The following NAV2 variants were observed in gnomAD, a reference collection of about 807,000 sequenced individuals.
NAV2 encodes helicase, APC down-regulated 1.
Under a neutral mutation model 223.2 loss-of-function variants are expected in NAV2, and 54 were observed. The ratio of observed to expected loss-of-function variants is 0.24; its 90% confidence interval spans 0.19 to 0.30. The LOEUF (loss-of-function observed/expected upper bound fraction) is 0.30. Among genes scored for constraint, NAV2 ranks in the 10% least tolerant of loss-of-function variants. The pLI is 1.00. For missense variants in NAV2, 2,806 were observed against 3,147.5 expected, an observed-to-expected ratio of 0.89 and a Z score of 2.60; for synonymous variants, 1,279 against 1,239.3, an observed-to-expected ratio of 1.03 and a Z score of -0.67.
In NAV2 at chr11:19,985,550, G is replaced by A. The variant is rs55951650; in HGVS notation, c.2768+1303G>A. Among the ~76,000 whole-genome samples, 47 of 148,124 alleles carry A rather than the reference G, an allele frequency of 3.2e-4. 2 individuals carry two copies. In the South Asian group the frequency reaches 8.6e-3, roughly 27 times the overall value. ...AACATGAACCATTTGAGAAAAAAAA[G>A]TTTTTTTTGTTTTTTTGTTGTTGTT... On this transcript the variant is annotated intron_variant, in intron 11 of 37. Transcript: ENST00000349880.
At chr11:19,596,122 G>A (rs569441492) in intron 1 of NAV2, among the ~76,000 whole-genome samples, 8 of 152,292 alleles carry the variant, frequency 5.3e-5, no homozygotes, top group Admixed American at 3.9e-4. Context: ...GGAAAAGACA[G>A]TGCTCTAAAA....
chr11:19,897,583 T>C (rs1454673165), intron 6 of NAV2, among the ~76,000 whole-genome samples: 1 of 152,104 alleles, frequency 6.6e-6, no homozygotes, highest in Non-Finnish European at 1.5e-5. Context: ...TAATACTTCT[T>C]AGCTAGAAAA....
intron 1 of NAV2, among the ~76,000 whole-genome samples, chr11:19,718,409 C>T (rs1184999725): frequency 6.6e-6 from 1 of 152,040 alleles, no homozygotes; most frequent in Non-Finnish European, 1.5e-5. Flanking sequence ...TCAAGTTGCA[C>T]CTAGTTTTTT....
At chr11:19,906,514 G>A (rs1202035057) in intron 6 of NAV2, among the ~76,000 whole-genome samples, 2 of 152,198 alleles carry the variant, frequency 1.3e-5, no homozygotes, top group African/African-American at 4.8e-5. Context: ...ATTGATTTCA[G>A]TTGTCAAGGT....
Position 19,859,977 on chromosome 11 carries a change from C to T in NAV2, c.439-8948C>T, listed in dbSNP as rs1318235652. On this transcript the variant is annotated intron_variant, in intron 3 of 37. Transcript: ENST00000349880. Reference sequence around the variant, plus strand: ...GGTGCCCCTCACCTCCCGGATGGGGCGGCTGGCCAGGCGGGGGGCTGACCC... The same window carrying T: ...GGTGCCCCTCACCTCCCGGATGGGGTGGCTGGCCAGGCGGGGGGCTGACCC... Among the ~76,000 whole-genome samples, 69 of 126,450 alleles carry T rather than the reference C, an allele frequency of 5.5e-4. No individual in the cohort carries two copies. In the South Asian group the frequency reaches 7.6e-3, roughly 14 times the overall value. The allele number at this position is 126,450 out of a possible 152,430, so 83.0% of individuals were successfully genotyped here. A position where few individuals can be genotyped will look rare whatever the true frequency, so the allele number is the denominator to read the frequency against.
intron 1 of NAV2, among the ~76,000 whole-genome samples, chr11:19,747,077 C>T (rs182603884): frequency 0.18 from 13,427 of 72,916 alleles, 909 homozygotes; most frequent in East Asian, 0.27. Flanking sequence ...CAGTGTGTGA[C>T]ATTCCCCTTC....
At chr11:19,845,259 A>T (rs1425986129) in intron 3 of NAV2, among the ~76,000 whole-genome samples, 1 of 152,250 alleles carries the variant, frequency 6.6e-6, no homozygotes. Flanking sequence ...CTAGATTGCT[A>T]GGTGGTTAAC....
At chr11:20,057,181 T>G (rs1328365264) in intron 19 of NAV2, among the ~76,000 whole-genome samples, 1 of 152,132 alleles carries the variant, frequency 6.6e-6, no homozygotes, top group Non-Finnish European at 1.5e-5. Context: ...CCTCCCAGCA[T>G]GAAAGAACAA....
chr11:19,640,956 C>T lies in NAV2; in HGVS notation c.76-191528C>T, dbSNP rs376884302. Among the ~76,000 whole-genome samples the T allele has an allele frequency of 2.8e-4, 43 of 152,302 alleles. No homozygotes were observed. The East Asian group carries it at 7.3e-3, about 26-fold the overall frequency. ...TTAGCGCTATACTTCCCCAAAGTCC[C>T]CACCTAGGGAAAGGAGCTGGTTTTC... On this transcript the variant is annotated intron_variant, in intron 1 of 37. Transcript: ENST00000360655.
intron 1 of NAV2, among the ~76,000 whole-genome samples, chr11:19,530,928 G>C (rs1371466207): frequency 6.6e-6 from 1 of 152,196 alleles, no homozygotes; most frequent in Non-Finnish European, 1.5e-5. Context: ...CAAAGTCATT[G>C]CTCCCTTGAA....
At chr11:19,364,921 C>A (rs544003146) in intron 1 of NAV2, among the ~76,000 whole-genome samples, 1 of 152,212 alleles carries the variant, frequency 6.6e-6, no homozygotes, top group African/African-American at 2.4e-5. Context: ...TTTACCCATA[C>A]AACAATATTT....
chr11:19,823,950 T>C (rs908257480), intron 1 of NAV2, among the ~76,000 whole-genome samples: 3 of 151,930 alleles, frequency 2.0e-5, no homozygotes, highest in Non-Finnish European at 4.4e-5. Flanking sequence ...AAAAGTGCAA[T>C]TGTGTTAATT....
Position 20,049,064 on chromosome 11 carries a change from C to A in NAV2, c.4239C>A (p.Ser1413=), listed in dbSNP as rs1019138630. 1 of 1,613,968 alleles carries A rather than the reference C, an allele frequency of 6.2e-7. No individual in the cohort carries two copies. Among genetic ancestry groups the A allele is most frequent in the African/African-American group, 1.3e-5 (1 of 74,882 alleles). ...GCAGCCTCCACACCAGCTGTGAGTC[C>A]ATCGACATCTCCCTCAGCAGTGGAG... ...SVSSLHTSCE[S]IDISLSSGGV... Residue 1413 remains serine (S), a synonymous_variant, in exon 15 of 38, where the codon TCC becomes TCA. Transcript: ENST00000349880.
At position 19,974,974 on chromosome 11, in the gene NAV2, G is replaced by A. The variant is rs991021884; in HGVS notation, c.2646-9151G>A. ...AAGCATTTTGGTCAGGCTCTCCAGA[G>A]GATCTGCCTGTATTCTGAGGTTTGA... On this transcript the variant is annotated intron_variant, in intron 10 of 37. Transcript: ENST00000349880. Among the ~76,000 whole-genome samples, 7 of 152,182 alleles carry A rather than the reference G, an allele frequency of 4.6e-5. No homozygotes were observed. In the East Asian group the frequency reaches 1.3e-3, roughly 29 times the overall value.
intron 17 of NAV2, among the ~76,000 whole-genome samples, chr11:20,053,772 C>T (rs982538171): frequency 4.6e-5 from 7 of 152,160 alleles, no homozygotes; most frequent in East Asian, 1.9e-4. Context: ...GGGGCTTTGA[C>T]GTGACACTGT....
intron 20 of NAV2, among the ~76,000 whole-genome samples, chr11:20,064,873 CAG>C (rs1564967540): frequency 6.6e-6 from 1 of 152,150 alleles, no homozygotes; most frequent in Non-Finnish European, 1.5e-5. Flanking sequence ...TCTGGTTATT[CAG>C]AGTGTCTCCC....
intron 3 of NAV2, among the ~76,000 whole-genome samples, chr11:19,863,057 A>C (rs943362806): frequency 3.9e-5 from 6 of 152,106 alleles, no homozygotes; most frequent in African/African-American, 2.4e-5. Context: ...CTTCTTTGTG[A>C]CCAGCCTAGA....
At chr11:19,935,017 A>G (rs1332445656) in intron 7 of NAV2, among the ~76,000 whole-genome samples, 1 of 152,156 alleles carries the variant, frequency 6.6e-6, no homozygotes, top group African/African-American at 2.4e-5. Context: ...GGTCAGCGAC[A>G]TTGCTCATTG....
intron 3 of NAV2, among the ~76,000 whole-genome samples, chr11:19,864,831 C>T (rs1186321139): frequency 6.6e-6 from 1 of 152,116 alleles, no homozygotes; most frequent in Non-Finnish European, 1.5e-5. Flanking sequence ...CCTGGTCTGC[C>T]CCTTTTCTTT....
Sources: allele counts gnomAD v4.1 joint callset (sites outside exome capture counted in the v4.1 genomes callset), GRCh38; gene constraint gnomAD v4.1.1; transcripts MANE v1.5; gene names NCBI Gene and HGNC (gene_info 2026-07-23, HGNC 2026-07-21).